EHBP1: variants seen among roughly 807,000 people sequenced by gnomAD.
The protein encoded by EHBP1 is EH domain binding protein 1.
Under a neutral mutation model 144.0 loss-of-function variants are expected in EHBP1, and 55 were observed. The ratio of observed to expected loss-of-function variants is 0.38; its 90% CI spans 0.31 to 0.48. The LOEUF is 0.48. Ranked by LOEUF, EHBP1 falls within the 20% of genes least tolerant of loss-of-function variation. EHBP1 has a pLI of 0.98. For synonymous variants in EHBP1, 469 were observed against 472.7 expected (o/e 0.99, Z 0.10); for missense variants, 1,200 against 1,364.2 (o/e 0.88, Z 1.90).
intron 4 of EHBP1, among the ~76,000 whole-genome samples, chr2:62,767,179 C>T (rs774257993): frequency 3.9e-5 from 6 of 151,936 alleles, no homozygotes; most frequent in East Asian, 1.9e-4. Context: ...TTGCCGCTAG[C>T]GGTACTTTTA....
At chr2:62,802,950 C>T (rs760993650) in intron 5 of EHBP1, among the ~76,000 whole-genome samples, 3 of 152,144 alleles carry the variant, frequency 2.0e-5, no homozygotes, top group Non-Finnish European at 4.4e-5. Flanking sequence ...GTCTCGAACT[C>T]CTGACCTCAG....
intron 5 of EHBP1, among the ~76,000 whole-genome samples, chr2:62,777,223 G>A (rs565517491): frequency 7.2e-5 from 11 of 152,126 alleles, no homozygotes; most frequent in Admixed American, 3.3e-4. Flanking sequence ...CTCCCACCTC[G>A]GCCTCCCAGA....
chr2:62,709,482 G>T (rs1280550339), intron 2 of EHBP1, among the ~76,000 whole-genome samples: 1 of 152,118 alleles, frequency 6.6e-6, no homozygotes, highest in African/African-American at 2.4e-5. Flanking sequence ...TAGAAAATCA[G>T]TTTCTTCCTC....
At chr2:62,934,837 T>C (rs2056256978) in intron 10 of EHBP1, among the ~76,000 whole-genome samples, 1 of 152,206 alleles carries the variant, frequency 6.6e-6, no homozygotes, top group Non-Finnish European at 1.5e-5. Flanking sequence ...TAAATAATGT[T>C]GCCTGGAAAC....
intron 10 of EHBP1, among the ~76,000 whole-genome samples, chr2:62,929,015 A>T (rs1032066965): frequency 1.3e-5 from 2 of 152,142 alleles, no homozygotes; most frequent in African/African-American, 4.8e-5. Context: ...GAAACAGAAG[A>T]CCTACCAAAA....
chr2:63,017,946 T>G (rs1285400406), intron 19 of EHBP1, among the ~76,000 whole-genome samples: 1 of 152,164 alleles, frequency 6.6e-6, no homozygotes, highest in African/African-American at 2.4e-5. Flanking sequence ...GGAGGATTGC[T>G]TGAAGCCAAG....
intron 10 of EHBP1, among the ~76,000 whole-genome samples, chr2:62,887,070 C>CTGTGACAGTATAATATATAATACTATA (rs2152897011): frequency 6.6e-6 from 1 of 152,066 alleles, no homozygotes; most frequent in Admixed American, 6.5e-5. Context: ...ATCAGGGATC[C>CTGTGACAGTATAATATATAATACTATA]TATTATAGTA....
At chr2:62,988,928 G>A (rs947263956) in intron 15 of EHBP1, among the ~76,000 whole-genome samples, 5 of 152,058 alleles carry the variant, frequency 3.3e-5, no homozygotes, top group Admixed American at 3.3e-4. Context: ...TTCTTTCCCT[G>A]TTGGAAATAC....
At chr2:63,004,061 A>C (rs1307504159) in intron 19 of EHBP1, among the ~76,000 whole-genome samples, 1 of 152,078 alleles carries the variant, frequency 6.6e-6, no homozygotes, top group African/African-American at 2.4e-5. Flanking sequence ...TTAATTCATA[A>C]AATTATATCT....
At chr2:62,709,733 G>A (rs999899841) in intron 2 of EHBP1, among the ~76,000 whole-genome samples, 4 of 151,954 alleles carry the variant, frequency 2.6e-5, no homozygotes, top group African/African-American at 9.7e-5. Flanking sequence ...TGTTCTCCTA[G>A]AAGTATTGGG....
chr2:62,883,031 TACAC>T (rs1173855763), intron 10 of EHBP1, among the ~76,000 whole-genome samples: 2 of 152,042 alleles, frequency 1.3e-5, no homozygotes, highest in African/African-American at 4.8e-5. Context: ...CACATATACA[TACAC>T]ACACACATAT....
chr2:62,778,515 G>T (rs1461760913), intron 5 of EHBP1, among the ~76,000 whole-genome samples: 1 of 147,366 alleles, frequency 6.8e-6, no homozygotes, highest in African/African-American at 2.5e-5. Flanking sequence ...CTGTACTCCA[G>T]CCTGGGCGAC....
At chr2:62,757,587 C>G (rs949493983) in intron 3 of EHBP1, among the ~76,000 whole-genome samples, 1 of 151,632 alleles carries the variant, frequency 6.6e-6, no homozygotes, top group Non-Finnish European at 1.5e-5. Flanking sequence ...ACATACGCCA[C>G]AATTCCCGGC....
At chr2:62,945,048 A>C (rs1273255096) in intron 12 of EHBP1, among the ~76,000 whole-genome samples, 1 of 152,236 alleles carries the variant, frequency 6.6e-6, no homozygotes, top group Non-Finnish European at 1.5e-5. Context: ...GAATTTAGGC[A>C]ATAAACCACC....
At chr2:62,903,172 A>G (rs1405442435) in intron 10 of EHBP1, among the ~76,000 whole-genome samples, 6 of 152,200 alleles carry the variant, frequency 3.9e-5, no homozygotes, top group African/African-American at 1.4e-4. Context: ...GGGCAAATTT[A>G]TGAGGAAAAA....
intron 10 of EHBP1, among the ~76,000 whole-genome samples, chr2:62,916,679 T>C (rs769134612): frequency 1.3e-5 from 2 of 150,532 alleles, no homozygotes; most frequent in Non-Finnish European, 3.0e-5. Context: ...GAAAAAGAAC[T>C]AATAGCTATT....
intron 2 of EHBP1, among the ~76,000 whole-genome samples, chr2:62,709,220 C>A (rs984216109): frequency 8.6e-5 from 13 of 152,010 alleles, no homozygotes; most frequent in African/African-American, 3.1e-4. Context: ...ACACTCAGAA[C>A]ACAAAATGGG....
intron 7 of EHBP1, among the ~76,000 whole-genome samples, chr2:62,852,821 A>G (rs2048774033): frequency 6.6e-6 from 1 of 152,170 alleles, no homozygotes; most frequent in Admixed American, 6.5e-5. Context: ...CTAATTTATG[A>G]ATTAATTCTA....
At chr2:62,903,331 T>C (rs990297359) in intron 10 of EHBP1, among the ~76,000 whole-genome samples, 4 of 152,182 alleles carry the variant, frequency 2.6e-5, no homozygotes, top group African/African-American at 7.2e-5. Flanking sequence ...TATATGATAG[T>C]TAACTCCTAT....
Sources: allele counts gnomAD v4.1 joint callset (sites outside exome capture counted in the v4.1 genomes callset), GRCh38; gene constraint gnomAD v4.1.1; transcripts MANE v1.5; gene names NCBI Gene and HGNC (gene_info 2026-07-23, HGNC 2026-07-21).